The following XKR9 variants were observed in gnomAD, a reference collection of about 807,000 sequenced individuals.
XKR9 encodes XK related 9.
In XKR9, 32 loss-of-function variants were observed where a neutral mutation model predicts 32.0. The observed-to-expected ratio is 1.00, with a 90% CI of 0.76 to 1.34. The LOEUF (loss-of-function observed/expected upper bound fraction) is 1.34. XKR9 is among the 40% of genes most tolerant of loss of function. XKR9 has a pLI of 0.00. For missense variants in XKR9, 546 were observed against 429.7 expected (o/e 1.27, Z -2.39); for synonymous variants, 168 against 143.4 (o/e 1.17, Z -1.22).
chr8:71,005,225 CTT>C, the XKR9 span, among the ~76,000 whole-genome samples: 3 of 130,324 alleles, frequency 2.3e-5, no homozygotes, highest in Non-Finnish European at 1.6e-5. Flanking sequence ...TTTTCTTTTT[CTT>C]TTTTTTTTTT....
chr8:70,811,953 C>G, the XKR9 span, among the ~76,000 whole-genome samples: 1 of 152,052 alleles, frequency 6.6e-6, no homozygotes, highest in Non-Finnish European at 1.5e-5. Flanking sequence ...AGGCCAGCAT[C>G]ATCCGGATAC....
the XKR9 span, among the ~76,000 whole-genome samples, chr8:70,799,083 A>C: frequency 1.3e-5 from 2 of 152,178 alleles, no homozygotes; most frequent in East Asian, 3.9e-4. Flanking sequence ...ATTTTCTGTA[A>C]AGAATGTTAT....
intron 2 of XKR9, among the ~76,000 whole-genome samples, chr8:70,676,471 T>C (rs1331307504): frequency 2.0e-5 from 3 of 152,172 alleles, no homozygotes; most frequent in African/African-American, 7.2e-5. Context: ...ACCATAGAGA[T>C]AGAGATGAAC....
chr8:70,716,732 A>G (rs974015618), intron 4 of XKR9, among the ~76,000 whole-genome samples: 1 of 152,146 alleles, frequency 6.6e-6, no homozygotes, highest in Non-Finnish European at 1.5e-5. Flanking sequence ...CCCAAATCTC[A>G]TGTCCTCACA....
the XKR9 span, among the ~76,000 whole-genome samples, chr8:70,823,614 A>T: frequency 6.6e-6 from 1 of 152,254 alleles, no homozygotes; most frequent in Non-Finnish European, 1.5e-5. Flanking sequence ...TTGCTAAAAA[A>T]GTGTGCAGGA....
chr8:70,695,845 T>G (rs1805251488), intron 3 of XKR9, among the ~76,000 whole-genome samples: 4 of 147,646 alleles, frequency 2.7e-5, no homozygotes, highest in Middle Eastern at 3.5e-3. Context: ...ACCTGTTGTT[T>G]CCTGACCTTT....
At chr8:70,793,305 G>T (rs1330713635), downstream of XKR9, among the ~76,000 whole-genome samples, 3 of 152,040 alleles carry the variant, frequency 2.0e-5, no homozygotes, top group African/African-American at 7.2e-5. Flanking sequence ...ATTAAGAAGT[G>T]ATTGGGTCAT....
chr8:70,910,095 G>GA, the XKR9 span, among the ~76,000 whole-genome samples: 644 of 140,238 alleles, frequency 4.6e-3, 3 homozygotes, highest in African/African-American at 0.013. Flanking sequence ...ACCCTGTGGG[G>GA]AAAAAAAAAA....
the XKR9 span, among the ~76,000 whole-genome samples, chr8:71,054,925 C>T: frequency 2.0e-5 from 3 of 152,174 alleles, no homozygotes; most frequent in Non-Finnish European, 2.9e-5. Flanking sequence ...CTCAATCAGA[C>T]TTTCCTCAGC....
At chr8:70,690,301 T>G (rs1281569721) in intron 3 of XKR9, among the ~76,000 whole-genome samples, 1 of 152,110 alleles carries the variant, frequency 6.6e-6, no homozygotes, top group Non-Finnish European at 1.5e-5. Flanking sequence ...TGTTGTTTCC[T>G]TCTTTGTGTT....
intron 2 of XKR9, among the ~76,000 whole-genome samples, chr8:70,747,117 C>T (rs1480679345): frequency 6.6e-6 from 1 of 152,146 alleles, no homozygotes; most frequent in Non-Finnish European, 1.5e-5. Flanking sequence ...GTGTAGTATT[C>T]TGTGGTGTAT....
the XKR9 span, among the ~76,000 whole-genome samples, chr8:71,036,612 A>G: frequency 6.6e-6 from 1 of 152,096 alleles, no homozygotes. Flanking sequence ...TTAGGGTAAT[A>G]CTTTTAGGGT....
At chr8:70,839,779 G>A in the XKR9 span, among the ~76,000 whole-genome samples, 9 of 152,126 alleles carry the variant, frequency 5.9e-5, no homozygotes, top group Non-Finnish European at 1.3e-4. Flanking sequence ...ACAGTGGCCA[G>A]ATTTTAAGGA....
At chr8:70,739,649 T>G (rs1245529217), downstream of XKR9, among the ~76,000 whole-genome samples, 5 of 152,122 alleles carry the variant, frequency 3.3e-5, no homozygotes, top group African/African-American at 1.2e-4. Context: ...AGGAGCTCTT[T>G]TAGGGCAAGC....
chr8:70,932,676 C>T, the XKR9 span, among the ~76,000 whole-genome samples: 3 of 152,286 alleles, frequency 2.0e-5, no homozygotes, highest in Non-Finnish European at 1.5e-5. Context: ...TTCTCCCTGG[C>T]TTGTGGAGTG....
chr8:70,872,748 C>G, the XKR9 span, among the ~76,000 whole-genome samples: 1 of 152,126 alleles, frequency 6.6e-6, no homozygotes, highest in East Asian at 1.9e-4. Flanking sequence ...GCAACCTCTT[C>G]CTCCCAGGTG....
chr8:70,683,473 T>A (rs1282628936), intron 3 of XKR9: 1 of 440,550 alleles, frequency 2.3e-6, no homozygotes, highest in African/African-American at 2.1e-5. Flanking sequence ...ATCTCAGGAC[T>A]TCTACCTAGA....
At chr8:70,769,033 A>G (rs1369030503) in intron 2 of XKR9, among the ~76,000 whole-genome samples, 12 of 152,016 alleles carry the variant, frequency 7.9e-5, no homozygotes, top group Admixed American at 5.9e-4. Context: ...TCGTTGGTCT[A>G]TATATTTTGG....
chr8:70,713,385 C>T (rs1805984700), intron 4 of XKR9, among the ~76,000 whole-genome samples: 1 of 152,098 alleles, frequency 6.6e-6, no homozygotes, highest in African/African-American at 2.4e-5. Flanking sequence ...AAGTTAGTCA[C>T]TCAAAAAATT....
Sources: allele counts gnomAD v4.1 joint callset (sites outside exome capture counted in the v4.1 genomes callset), GRCh38; gene constraint gnomAD v4.1.1; transcripts MANE v1.5; gene names NCBI Gene and HGNC (gene_info 2026-07-23, HGNC 2026-07-21).